Variants in ADGRE1 observed in about 807,000 individuals in gnomAD.
ADGRE1 encodes EGF-like module receptor 1.
ADGRE1 carries 82 observed loss-of-function variants against 102.7 expected under a neutral mutation model. The ratio of observed to expected loss-of-function variants is 0.80; its 90% CI spans 0.67 to 0.96. The LOEUF (loss-of-function observed/expected upper bound fraction) is 0.96. Ranked by LOEUF, ADGRE1 falls within the 40% of genes least tolerant of loss-of-function variation. The pLI is 0.00. For synonymous variants in ADGRE1, 398 were observed against 399.6 expected (o/e 1.00, Z 0.05); for missense variants, 1,032 against 1,085.3 (o/e 0.95, Z 0.69).
chr19:6,904,921 A>G (rs562110965), intron 8 of ADGRE1, among the ~76,000 whole-genome samples: 4 of 152,304 alleles, frequency 2.6e-5, no homozygotes, highest in African/African-American at 9.6e-5. Flanking sequence ...AATGGAGATC[A>G]TGCTGTTCTG....
At chr19:6,900,841 A>T (rs1243012771) in intron 5 of ADGRE1, among the ~76,000 whole-genome samples, 1 of 152,210 alleles carries the variant, frequency 6.6e-6, no homozygotes, top group East Asian at 1.9e-4. Context: ...CTGGGTAACA[A>T]ATTGTCTTAA....
At chr19:6,922,415 A>T (rs1247520770) in intron 14 of ADGRE1, among the ~76,000 whole-genome samples, 1 of 151,790 alleles carries the variant, frequency 6.6e-6, no homozygotes, top group Admixed American at 6.6e-5. Context: ...AGAGATCGAG[A>T]CCATCCTGGC....
At chr19:6,891,938 G>A (rs1973392562) in intron 2 of ADGRE1, among the ~76,000 whole-genome samples, 1 of 152,078 alleles carries the variant, frequency 6.6e-6, no homozygotes, top group African/African-American at 2.4e-5. Flanking sequence ...AGAATTTGGA[G>A]GACCGAGCGA....
chr19:6,908,874 C>T (rs1974070319), intron 10 of ADGRE1, 102 bp downstream of exon 10: 1 of 1,063,074 alleles, frequency 9.4e-7, no homozygotes, highest in Non-Finnish European at 1.4e-6. Flanking sequence ...TGGCTCACAC[C>T]CATAATCCCA....
intron 8 of ADGRE1, among the ~76,000 whole-genome samples, chr19:6,904,527 C>CTT (rs561401517): frequency 2.2e-5 from 3 of 134,806 alleles, no homozygotes; most frequent in Admixed American, 7.5e-5. Flanking sequence ...AAAAAGTGTG[C>CTT]TTTTTTTTTT....
At chr19:6,910,556 A>C (rs963129398) in intron 10 of ADGRE1, among the ~76,000 whole-genome samples, 4 of 147,574 alleles carry the variant, frequency 2.7e-5, no homozygotes, top group Non-Finnish European at 5.9e-5. Context: ...CTAATGTGTC[A>C]AACTGTTCCA....
In ADGRE1 at chr19:6,937,575, G is replaced by C. The variant is rs754300799; in HGVS notation, c.2582G>C (p.Gly861Ala). 1.2e-6 allele frequency: 2 copies of C among 1,614,032 alleles called. No homozygotes were observed. The highest frequency in any genetic ancestry group is 2.2e-5 in the South Asian group (2 of 91,062). The change falls in exon 20 of 21, where the codon GGG becomes GCG. Residue 861 changes from glycine (G) to alanine (A), a missense_variant. Gly to Ala is a moderately conservative substitution (Grantham distance 60, BLOSUM62 0). Transcript: ENST00000312053. The stretch of plus-strand genomic sequence containing the variant: ...GAAGAATACAAGAGGTGGATCACTG[G>C]GAAGACGAAGCCCAGCTCCCAGTCC... Reference protein sequence around the residue: ...VREEYKRWITGKTKPSSQSQT... With the variant: ...VREEYKRWITAKTKPSSQSQT...
Position 6,921,693 on chromosome 19 carries a change from TG to T in ADGRE1, c.1621-19del. ...GATTCCCAGAAGACCTTTGTTTTTT[TG>T]TTTTTTTGTTTTTTTTAGCCAAAGC... On this transcript the variant is annotated intron_variant, in intron 13 of 20. Coordinates refer to ENST00000312053, the MANE Select transcript of ADGRE1 (RefSeq NM_001974.5). 1 of 1,554,268 alleles carries T rather than the reference TG, an allele frequency of 6.4e-7. No homozygotes were observed. The highest frequency in any genetic ancestry group is 2.1e-5 in the Admixed American group (1 of 48,748).
chr19:6,908,716 A>G lies in ADGRE1; in HGVS notation c.1066A>G (p.Ile356Val). 6 of 1,604,020 alleles carry G rather than the reference A, an allele frequency of 3.7e-6. No homozygotes were observed. The highest frequency in any genetic ancestry group is 5.1e-6 in the Non-Finnish European group (6 of 1,177,162). The change falls in exon 10 of 21, where the codon ATC becomes GTC. Residue 356 changes from isoleucine (I) to valine (V), a missense_variant. Transcript: ENST00000312053. ...YVSFCAQINN[I>V]FSVLDKVCEN... The stretch of plus-strand genomic sequence containing the variant: ...CTCCTTTTGTGCACAAATAAATAAC[A>G]TCTTCAGCGTTCTGGACAAAGTGTG...
At chr19:6,890,041 T>C (rs371683150) in intron 1 of ADGRE1, among the ~76,000 whole-genome samples, 1 of 152,146 alleles carries the variant, frequency 6.6e-6, no homozygotes. Context: ...GCCTCCTGAG[T>C]AGCTGGGGCT....
rs753580137 is a variant in ADGRE1, at chr19:6,937,196, CA to C, written c.2382-45del. On this transcript the variant is annotated intron_variant, in intron 18 of 20. Coordinates refer to ENST00000312053, the MANE Select transcript of ADGRE1 (RefSeq NM_001974.5). ...TTCCTGGAAGTGTGGCCTGCAAGGA[CA>C]ATAGCCACCTCCCAGAGCCTTACAT... 10 of 1,574,252 alleles carry C rather than the reference CA, an allele frequency of 6.4e-6. No homozygotes were observed. In the Admixed American group the frequency reaches 1.7e-4, roughly 28 times the overall value.
At chr19:6,913,394 C>A (rs1275758310) in intron 10 of ADGRE1, among the ~76,000 whole-genome samples, 1 of 126,318 alleles carries the variant, frequency 7.9e-6, no homozygotes, top group Non-Finnish European at 1.7e-5. Context: ...GTTTGCCAGG[C>A]TGGTCTCAAA....
chr19:6,908,771 AGG>A lies in ADGRE1; in HGVS notation c.1122_1122+1del. 6.2e-7 allele frequency: 1 copy of A among 1,606,506 alleles called. No homozygotes were observed. The highest frequency in any genetic ancestry group is 8.5e-7 in the Non-Finnish European group (1 of 1,178,070). On this transcript the variant is annotated splice_donor_variant and coding_sequence_variant, in exon 10 of 21. Transcript: ENST00000312053. LOFTEE classifies it high-confidence loss of function. ...AATAAAACGACCGTAGTTTCTCTGA[AGG>A]TAACGATTGGGTCTTTTAAATTGTG...
chr19:6,909,552 TTCC>T (rs889924528), intron 10 of ADGRE1, among the ~76,000 whole-genome samples: 13 of 151,486 alleles, frequency 8.6e-5, no homozygotes, highest in African/African-American at 3.1e-4. Context: ...ACAATGCCAT[TTCC>T]TCCTCCTCCT....
chr19:6,921,682 C>CTTTGTTTT (rs772081055), intron 13 of ADGRE1, 31 bp from the exon 14 acceptor site: 1 of 1,523,914 alleles, frequency 6.6e-7, no homozygotes, highest in Non-Finnish European at 8.8e-7. Flanking sequence ...CCCAGAAGAC[C>CTTTGTTTT]TTTGTTTTTT....
Position 6,924,881 on chromosome 19 carries a change from C to T in ADGRE1, c.1986+9C>T, listed in dbSNP as rs749560649. ...ACAAGACTGACAACAAGGTCTACAT[C>T]GCTCGGGCTGTGTCCCCACCAAGCC... On this transcript the variant is annotated intron_variant, in intron 15 of 20. Coordinates refer to ENST00000312053, the MANE Select transcript of ADGRE1 (RefSeq NM_001974.5). 1.5e-5 allele frequency: 25 copies of T among 1,613,386 alleles called. No individual in the cohort carries two copies. The highest frequency in any genetic ancestry group is 1.7e-4 in the Middle Eastern group (1 of 6,054).
chr19:6,893,641 T>C (rs1973455954), intron 2 of ADGRE1, among the ~76,000 whole-genome samples: 1 of 152,270 alleles, frequency 6.6e-6, no homozygotes, highest in Non-Finnish European at 1.5e-5. Flanking sequence ...CTGGCTCTGC[T>C]GCTCTCCAGC....
intron 1 of ADGRE1, among the ~76,000 whole-genome samples, chr19:6,889,518 G>A (rs748713126): frequency 6.6e-5 from 10 of 151,316 alleles, no homozygotes; most frequent in East Asian, 3.9e-4. Context: ...GAGAAACCCC[G>A]TTTCTACTAA....
At position 6,934,884 on chromosome 19, in the gene ADGRE1, G is replaced by C. The variant is rs191876535; in HGVS notation, c.2290-103G>C. On this transcript the variant is annotated intron_variant, in intron 17 of 20. Transcript: ENST00000312053. ...AGCCTCCCAAAGTGCTGGGATTACAGACGTGAGCCACCACGCCCAGCCCAG... is the reference window on the plus strand; with the variant it reads ...AGCCTCCCAAAGTGCTGGGATTACACACGTGAGCCACCACGCCCAGCCCAG... The C allele has an allele frequency of 7.7e-6, 5 of 646,592 alleles. No homozygotes were observed. The Admixed American group carries it at 1.3e-4, about 17-fold the overall frequency. The allele number at this position is 646,592 out of a possible 1,614,324, so 40.1% of individuals were successfully genotyped here.
Sources: allele counts gnomAD v4.1 joint callset (sites outside exome capture counted in the v4.1 genomes callset), GRCh38; gene constraint gnomAD v4.1.1; transcripts MANE v1.5; gene names NCBI Gene and HGNC (gene_info 2026-07-23, HGNC 2026-07-21).